Variants in IGSF21 observed in about 807,000 individuals in gnomAD.
IGSF21 encodes the protein immunoglobin superfamily member 21.
Under a neutral mutation model 46.8 loss-of-function variants are expected in IGSF21, and 28 were observed. The ratio of observed to expected loss-of-function variants is 0.60; its 90% CI spans 0.44 to 0.82. IGSF21 has a LOEUF of 0.82. Ranked by LOEUF, IGSF21 falls within the 40% of genes least tolerant of loss-of-function variation. IGSF21 has a pLI of 0.00. For missense variants in IGSF21, 624 were observed against 665.5 expected, an observed-to-expected ratio of 0.94 and a Z score of 0.69; for synonymous variants, 284 against 273.6, an observed-to-expected ratio of 1.04 and a Z score of -0.38.
chr1:18,180,527 A>G (rs2086847321), intron 1 of IGSF21, among the ~76,000 whole-genome samples: 1 of 152,196 alleles, frequency 6.6e-6, no homozygotes, highest in South Asian at 2.1e-4. Flanking sequence ...CAAAGTGTAG[A>G]CAGGTCCAAG....
intron 2 of IGSF21, among the ~76,000 whole-genome samples, chr1:18,282,839 C>T (rs2085175679): frequency 6.6e-6 from 1 of 152,184 alleles, no homozygotes; most frequent in Non-Finnish European, 1.5e-5. Flanking sequence ...CTGGTCTTCC[C>T]TGTGCTAACA....
chr1:18,135,469 T>C (rs1227246833), intron 1 of IGSF21, among the ~76,000 whole-genome samples: 1 of 143,884 alleles, frequency 7.0e-6, no homozygotes, highest in Non-Finnish European at 1.5e-5. Flanking sequence ...TGTCCATGTG[T>C]TCTCATTGTT....
chr1:18,359,379 A>AAAGAAAGAAAGAAAGG (rs2086064379), intron 4 of IGSF21, among the ~76,000 whole-genome samples: 1 of 82,320 alleles, frequency 1.2e-5, no homozygotes. Flanking sequence ...AGAAAGAAAG[A>AAAGAAAGAAAGAAAGG]AAGAAAGGAA....
chr1:18,128,830 T>G (rs1042132367), intron 1 of IGSF21, among the ~76,000 whole-genome samples: 1 of 151,856 alleles, frequency 6.6e-6, no homozygotes, highest in Non-Finnish European at 1.5e-5. Flanking sequence ...CTGTGTCACA[T>G]GGGAGGATGA....
At chr1:18,259,240 C>A (rs2084918837) in intron 2 of IGSF21, among the ~76,000 whole-genome samples, 1 of 152,082 alleles carries the variant, frequency 6.6e-6, no homozygotes, top group African/African-American at 2.4e-5. Flanking sequence ...CTTGATTCTC[C>A]CTTTGGGCAT....
At chr1:18,221,368 T>C (rs1019116602) in intron 1 of IGSF21, among the ~76,000 whole-genome samples, 3 of 152,224 alleles carry the variant, frequency 2.0e-5, no homozygotes, top group African/African-American at 7.2e-5. Context: ...TCTAACATAA[T>C]TTATGTCTCT....
At chr1:18,331,069 T>C (rs1040838679) in intron 3 of IGSF21, among the ~76,000 whole-genome samples, 4 of 152,234 alleles carry the variant, frequency 2.6e-5, no homozygotes, top group Non-Finnish European at 5.9e-5. Flanking sequence ...TATTTTAAGA[T>C]TTACAGTTTT....
chr1:18,174,419 GA>G (rs1054667718), intron 1 of IGSF21, among the ~76,000 whole-genome samples: 3 of 152,178 alleles, frequency 2.0e-5, no homozygotes, highest in Admixed American at 2.0e-4. Context: ...ATGAAGCTTT[GA>G]AGTGAGGGAA....
intron 3 of IGSF21, among the ~76,000 whole-genome samples, chr1:18,293,138 G>A (rs2085283224): frequency 6.6e-6 from 1 of 152,198 alleles, no homozygotes; most frequent in Non-Finnish European, 1.5e-5. Context: ...CACGGGCTGT[G>A]GGTCTCTGTG....
chr1:18,295,147 C>T (rs2085300791), intron 3 of IGSF21, among the ~76,000 whole-genome samples: 2 of 152,284 alleles, frequency 1.3e-5, no homozygotes, highest in Admixed American at 6.5e-5. Context: ...TCGGGTGGAT[C>T]ATCAGGACTT....
At chr1:18,168,494 C>T (rs112225413) in intron 1 of IGSF21, among the ~76,000 whole-genome samples, 5 of 152,286 alleles carry the variant, frequency 3.3e-5, no homozygotes, top group African/African-American at 1.2e-4. Flanking sequence ...GACAAGGGGA[C>T]CTGAGGACAG....
chr1:18,119,226 G>C (rs2124405572), intron 1 of IGSF21, among the ~76,000 whole-genome samples: 1 of 152,324 alleles, frequency 6.6e-6, no homozygotes, highest in Non-Finnish European at 1.5e-5. Flanking sequence ...GTCAGGCACT[G>C]TGTTGGGTTC....
chr1:18,359,675 G>A (rs34620598), intron 4 of IGSF21, among the ~76,000 whole-genome samples: 31,925 of 152,070 alleles, frequency 0.21, 3,897 homozygotes, highest in Non-Finnish European at 0.27. Context: ...CTGCCATCAC[G>A]AGCCATGCCA....
intron 1 of IGSF21, among the ~76,000 whole-genome samples, chr1:18,181,486 A>T (rs978172005): frequency 6.6e-6 from 1 of 152,140 alleles, no homozygotes; most frequent in African/African-American, 2.4e-5. Context: ...AAATGAGATA[A>T]TACATGCTTC....
At chr1:18,315,500 G>A (rs567156573) in intron 3 of IGSF21, among the ~76,000 whole-genome samples, 27 of 152,268 alleles carry the variant, frequency 1.8e-4, no homozygotes, top group African/African-American at 5.5e-4. Flanking sequence ...ACCATTGAGT[G>A]GCACATGCTA....
chr1:18,136,668 T>C (rs12569335), intron 1 of IGSF21, among the ~76,000 whole-genome samples: 34,210 of 152,100 alleles, frequency 0.22, 4,608 homozygotes, highest in East Asian at 0.52. Flanking sequence ...AGCCTTGTAG[T>C]ATAGTTTGAA....
At chr1:18,133,731 C>T (rs1337104886) in intron 1 of IGSF21, among the ~76,000 whole-genome samples, 1 of 152,246 alleles carries the variant, frequency 6.6e-6, no homozygotes, top group East Asian at 1.9e-4. Context: ...GACACGTCCT[C>T]AGGCCAAATC....
chr1:18,160,245 C>A (rs571540399), intron 1 of IGSF21, among the ~76,000 whole-genome samples: 8 of 152,278 alleles, frequency 5.3e-5, no homozygotes, highest in Non-Finnish European at 8.8e-5. Flanking sequence ...GGAGTTAGAG[C>A]CTAGCTCTGG....
intron 1 of IGSF21, among the ~76,000 whole-genome samples, chr1:18,148,129 CTTTTT>C (rs58426436): frequency 9.2e-6 from 1 of 108,322 alleles, no homozygotes; most frequent in Non-Finnish European, 1.7e-5. Flanking sequence ...CAAGTATGTC[CTTTTT>C]TTTTTTTTTT....
Sources: allele counts gnomAD v4.1 joint callset (sites outside exome capture counted in the v4.1 genomes callset), GRCh38; gene constraint gnomAD v4.1.1; transcripts MANE v1.5; gene names NCBI Gene and HGNC (gene_info 2026-07-23, HGNC 2026-07-21).